The following HTR1F variants were observed in gnomAD, a reference collection of about 807,000 sequenced individuals.
The protein encoded by HTR1F is 5-hydroxytryptamine (serotonin) receptor 1F, G protein-coupled.
In HTR1F, 17 loss-of-function variants were observed where a neutral mutation model predicts 24.0. The ratio of observed to expected loss-of-function variants is 0.71; its 90% CI spans 0.48 to 1.06. The LOEUF is 1.06. Ranked by LOEUF, HTR1F falls within the 50% of genes least tolerant of loss-of-function variation. HTR1F has a pLI of 0.00. For missense variants in HTR1F, 391 were observed against 427.8 expected, an observed-to-expected ratio of 0.91 and a Z score of 0.76; for synonymous variants, 186 against 156.8, an observed-to-expected ratio of 1.19 and a Z score of -1.39.
rs184665464 is a variant in HTR1F, at chr3:87,861,984, T to A, written c.-43+39860T>A. 2.4e-4 allele frequency among the ~76,000 whole-genome samples: 36 copies of A among 152,290 alleles called. 1 individual carries two copies. The highest frequency in any genetic ancestry group is 4.0e-4 in the Non-Finnish European group (27 of 68,008). On this transcript the variant is annotated intron_variant, in intron 2 of 2. Transcript: ENST00000319595. ...TCATGTATATCACATTTAAATATGT[T>A]ATAAATCCCACAATCAAATGTTATA...
rs539694680 is a variant in HTR1F, at chr3:87,921,650, T to C, written c.-42-69058T>C. On this transcript the variant is annotated intron_variant, in intron 2 of 2. Transcript: ENST00000319595. The stretch of plus-strand genomic sequence containing the variant: ...GTAATTGTTAACTATCATCATTCTA[T>C]AGTGATATAGAACACTAGAATCCTA... 1.4e-3 allele frequency among the ~76,000 whole-genome samples: 220 copies of C among 152,046 alleles called. 1 individual carries two copies. The highest frequency in any genetic ancestry group is 5.2e-3 in the African/African-American group (215 of 41,550).
chr3:87,813,126 C>T (rs1054969589), intron 1 of HTR1F, among the ~76,000 whole-genome samples: 8 of 152,188 alleles, frequency 5.3e-5, no homozygotes, highest in African/African-American at 1.4e-4. Flanking sequence ...CACCATCCTG[C>T]AGACCCCAAA....
intron 2 of HTR1F, among the ~76,000 whole-genome samples, chr3:87,879,814 GC>G (rs1405045262): frequency 6.6e-6 from 1 of 151,930 alleles, no homozygotes; most frequent in Admixed American, 6.6e-5. Flanking sequence ...TACAACATCA[GC>G]CTATCTTATT....
At chr3:87,872,843 G>A (rs1424533337) in intron 2 of HTR1F, among the ~76,000 whole-genome samples, 4 of 151,920 alleles carry the variant, frequency 2.6e-5, no homozygotes, top group Non-Finnish European at 5.9e-5. Flanking sequence ...TGGCTTCACA[G>A]GACAACTCCG....
At chr3:87,939,671 C>T (rs1345358718) in intron 2 of HTR1F, among the ~76,000 whole-genome samples, 2 of 151,898 alleles carry the variant, frequency 1.3e-5, no homozygotes, top group Non-Finnish European at 2.9e-5. Flanking sequence ...GAGGTATTCT[C>T]GGATAGTAGT....
intron 2 of HTR1F, among the ~76,000 whole-genome samples, chr3:87,843,511 CTTTTTTT>C: frequency 7.2e-6 from 1 of 138,238 alleles, no homozygotes; most frequent in South Asian, 2.3e-4. Context: ...CTTTCTTTTT[CTTTTTTT>C]TTTTTTAATT....
chr3:87,831,448 A>C (rs915354228), intron 2 of HTR1F, among the ~76,000 whole-genome samples: 1 of 151,378 alleles, frequency 6.6e-6, no homozygotes, highest in Non-Finnish European at 1.5e-5. Flanking sequence ...CCGCAAGCTC[A>C]GCCTCCCGGC....
chr3:87,852,330 G>T (rs1376681504), intron 2 of HTR1F, among the ~76,000 whole-genome samples: 1 of 151,504 alleles, frequency 6.6e-6, no homozygotes, highest in East Asian at 1.9e-4. Context: ...ATGCATTTCT[G>T]TTCCTGTTTT....
chr3:87,829,967 C>A (rs1449353433), intron 2 of HTR1F, among the ~76,000 whole-genome samples: 1 of 151,924 alleles, frequency 6.6e-6, no homozygotes, highest in Non-Finnish European at 1.5e-5. Flanking sequence ...ATTTTTTATC[C>A]TTAAATAGTC....
chr3:87,931,698 T>G (rs1704277050), intron 2 of HTR1F, among the ~76,000 whole-genome samples: 2 of 151,984 alleles, frequency 1.3e-5, no homozygotes, highest in Admixed American at 1.3e-4. Context: ...CTGCACATCC[T>G]CTCCAGCAGC....
intron 2 of HTR1F, among the ~76,000 whole-genome samples, chr3:87,918,055 T>C (rs1273294578): frequency 3.3e-5 from 5 of 152,054 alleles, no homozygotes; most frequent in Non-Finnish European, 5.9e-5. Context: ...GATGAAAGGA[T>C]GATTTAACAT....
At chr3:87,883,985 T>C (rs1705873375) in intron 2 of HTR1F, among the ~76,000 whole-genome samples, 2 of 151,982 alleles carry the variant, frequency 1.3e-5, no homozygotes, top group African/African-American at 2.4e-5. Context: ...ATTCAGGAAA[T>C]ACAGAGAAAA....
At chr3:87,804,137 A>G (rs1704037040) in intron 1 of HTR1F, among the ~76,000 whole-genome samples, 1 of 152,136 alleles carries the variant, frequency 6.6e-6, no homozygotes, top group Non-Finnish European at 1.5e-5. Flanking sequence ...ATGAATTGCA[A>G]TATTTACACT....
At chr3:87,977,462 G>GCC (rs1474900884) in intron 2 of HTR1F, among the ~76,000 whole-genome samples, 47 of 132,130 alleles carry the variant, frequency 3.6e-4, no homozygotes, top group Non-Finnish European at 6.3e-4. Context: ...GCAGTGGCTT[G>GCC]ATCTCAGCTC....
In HTR1F at chr3:87,860,658, G is replaced by C. The variant is rs1224487237; in HGVS notation, c.-43+38534G>C. Among the ~76,000 whole-genome samples the C allele has an allele frequency of 2.0e-5, 3 of 151,978 alleles. No individual in the cohort carries two copies. The East Asian group carries it at 5.8e-4, about 29-fold the overall frequency. ...ATCCATTTTTTTTCTATTTTATTAA[G>C]GTTGAGGCTTAGAATCAGAAAAGTA... On this transcript the variant is annotated intron_variant, in intron 2 of 2. Transcript: ENST00000319595.
At chr3:87,982,304 C>G (rs1705561762) in intron 2 of HTR1F, among the ~76,000 whole-genome samples, 1 of 152,056 alleles carries the variant, frequency 6.6e-6, no homozygotes. Context: ...AAAGGGACTT[C>G]TAAAAATCTT....
At chr3:87,877,225 GT>G (rs1414439483) in intron 2 of HTR1F, among the ~76,000 whole-genome samples, 2 of 152,028 alleles carry the variant, frequency 1.3e-5, no homozygotes, top group African/African-American at 4.8e-5. Context: ...CTCCAAGCCA[GT>G]TTTTTTGTTT....
intron 2 of HTR1F, 53 bp from the exon 3 acceptor site, chr3:87,990,650 GGAAGA>G (rs1278063224): frequency 1.2e-5 from 10 of 803,988 alleles, no homozygotes; most frequent in African/African-American, 6.9e-5. Context: ...TATTCTGAAA[GGAAGA>G]GAAAAGTTCT....
At chr3:87,934,742 G>A (rs1704370325) in intron 2 of HTR1F, among the ~76,000 whole-genome samples, 1 of 152,182 alleles carries the variant, frequency 6.6e-6, no homozygotes, top group Non-Finnish European at 1.5e-5. Context: ...TTGCAATGCT[G>A]TATCTCTTGT....
Sources: allele counts gnomAD v4.1 joint callset (sites outside exome capture counted in the v4.1 genomes callset), GRCh38; gene constraint gnomAD v4.1.1; transcripts MANE v1.5; gene names NCBI Gene and HGNC (gene_info 2026-07-23, HGNC 2026-07-21).